The following CEP295 variants were observed in gnomAD, a reference collection of about 807,000 sequenced individuals.
The protein encoded by CEP295 is centrosomal protein 295, also known as centrosomal protein of 295 kDa.
Under a neutral mutation model 291.6 loss-of-function variants are expected in CEP295, and 190 were observed. That is an observed-to-expected ratio of 0.65 (90% confidence interval 0.58 to 0.73). The LOEUF (loss-of-function observed/expected upper bound fraction) is 0.73, where lower values mean the gene tolerates loss of function less well. Ranked by LOEUF, CEP295 falls within the 30% of genes least tolerant of loss-of-function variation. The probability of loss-of-function intolerance (pLI) is 0.00; values close to 1 mark genes in which losing one functional copy is unlikely to be tolerated. For synonymous variants in CEP295, 993 were observed against 1,038.8 expected (o/e 0.96, Z 0.85); for missense variants, 2,863 against 2,949.4 (o/e 0.97, Z 0.68).
Position 93,699,450 on chromosome 11 carries a change from A to T in CEP295, c.4538A>T (p.Asp1513Val), listed in dbSNP as rs1952019784. 6.4e-7 allele frequency: 1 copy of T among 1,551,754 alleles called. No individual in the cohort carries two copies. The highest frequency in any genetic ancestry group is 8.7e-7 in the Non-Finnish European group (1 of 1,146,990). ...TTGCAGGCACTTCAACAGCAGTTAG[A>T]TACACAGAAGAAAGCCATTCGATCT... ...GDLQALQQQL[D>V]TQKKAIRSIQ... is the part of the protein sequence containing the mutation. Residue 1513 changes from aspartate (D) to valine (V), a missense_variant, in exon 15 of 30, where the codon GAT becomes GTT. Around this residue, in one of 3 missense-constraint regions of CEP295, gnomAD observed 2,295 missense variants for 2,335.7 expected, o/e 0.98. Coordinates refer to ENST00000325212, the MANE Select transcript of CEP295 (RefSeq NM_033395.2).
chr11:93,722,283 GA>G (rs1179402347), intron 20 of CEP295, among the ~76,000 whole-genome samples: 5 of 152,024 alleles, frequency 3.3e-5, no homozygotes, highest in African/African-American at 1.2e-4. Context: ...CAACGTGGTA[GA>G]ACCCTATCTC....
intron 25 of CEP295, 127 bp downstream of exon 25, chr11:93,728,948 A>C: frequency 2.7e-6 from 2 of 727,532 alleles, no homozygotes; most frequent in Non-Finnish European, 4.3e-6. Flanking sequence ...CGACACCCCC[A>C]CCAGCTCTCA....
At chr11:93,722,738 G>T in intron 20 of CEP295, 1 of 256,194 alleles carries the variant, frequency 3.9e-6, no homozygotes, top group Non-Finnish European at 7.6e-6. Context: ...CCATTAAAAG[G>T]AATATAGTGT....
intron 7 of CEP295, among the ~76,000 whole-genome samples, chr11:93,681,629 T>G (rs925357602): frequency 1.3e-5 from 2 of 151,608 alleles, no homozygotes; most frequent in Non-Finnish European, 2.9e-5. Context: ...TTAGCCAGGA[T>G]AGTCTCGATC....
In CEP295 at chr11:93,697,989, A is replaced by G. The variant is rs1328359212; in HGVS notation, c.3077A>G (p.Glu1026Gly). The part of the protein sequence containing the change: ...KIQEQHSSKS[E>G]KGLVSCQSDI... ...CAGGAGCAACATTCATCTAAGAGCGAGAAAGGACTTGTTTCATGCCAATCT... is the reference window on the plus strand; with the variant it reads ...CAGGAGCAACATTCATCTAAGAGCGGGAAAGGACTTGTTTCATGCCAATCT... The change falls in exon 15 of 30, where the codon GAG becomes GGG. Residue 1026 changes from glutamate to glycine, a missense_variant. Transcript: ENST00000325212. 1 of 1,551,712 alleles carries G rather than the reference A, an allele frequency of 6.4e-7. No individual in the cohort carries two copies. The highest frequency in any genetic ancestry group is 2.0e-5 in the Admixed American group (1 of 51,000).
intron 2 of CEP295, 73 bp downstream of exon 2, chr11:93,666,888 G>A (rs1950226544): frequency 2.5e-6 from 2 of 813,566 alleles, no homozygotes; most frequent in Non-Finnish European, 3.9e-6. Flanking sequence ...ACATTAGAGT[G>A]TTCTAAATGT....
At chr11:93,665,625 T>C (rs1329837284) in intron 1 of CEP295, among the ~76,000 whole-genome samples, 3 of 152,192 alleles carry the variant, frequency 2.0e-5, no homozygotes, top group Non-Finnish European at 4.4e-5. Context: ...GGAGAATCAC[T>C]TGAACTCAGG....
In CEP295 at chr11:93,697,797, A is replaced by T; in HGVS notation, c.2885A>T (p.Asp962Val). 1 of 1,551,784 alleles carries T rather than the reference A, an allele frequency of 6.4e-7. No individual in the cohort carries two copies. Residue 962 changes from aspartate to valine, a missense_variant, in exon 15 of 30, where the codon GAT becomes GTT. Asp to Val is a radical substitution (Grantham distance 152). Around this residue, in one of 3 missense-constraint regions of CEP295, gnomAD observed 2,295 missense variants for 2,335.7 expected, o/e 0.98. Coordinates refer to ENST00000325212, the MANE Select transcript of CEP295 (RefSeq NM_033395.2). The stretch of plus-strand genomic sequence containing the variant: ...CAAGAGCAGTTGAATATTCAGAAGG[A>T]TAGCCTTCAGGCTAGGCGAGAAGCC... ...FLQEQLNIQK[D>V]SLQARREAQE...
At chr11:93,704,150 C>T (rs1404202722) in intron 17 of CEP295, among the ~76,000 whole-genome samples, 5 of 151,754 alleles carry the variant, frequency 3.3e-5, no homozygotes, top group East Asian at 1.9e-4. Context: ...ATAATTTTCT[C>T]GATCAAATTT....
intron 5 of CEP295, among the ~76,000 whole-genome samples, chr11:93,672,559 A>G (rs900256618): frequency 1.3e-5 from 2 of 152,080 alleles, no homozygotes; most frequent in Non-Finnish European, 1.5e-5. Flanking sequence ...AGTAGCTGTG[A>G]CTACAAGAAT....
chr11:93,702,690 G>T (rs772554069), intron 16 of CEP295, 53 bp downstream of exon 16: 2 of 1,526,288 alleles, frequency 1.3e-6, no homozygotes, highest in African/African-American at 2.8e-5. Flanking sequence ...CCTTGTTTTC[G>T]TCCCCTGTAG....
chr11:93,693,345 C>A (rs1951684758), intron 12 of CEP295, among the ~76,000 whole-genome samples: 1 of 151,910 alleles, frequency 6.6e-6, no homozygotes, highest in Non-Finnish European at 1.5e-5. Context: ...TTTTTTTAAC[C>A]CAACTTACCT....
intron 13 of CEP295, among the ~76,000 whole-genome samples, 158 bp from the exon 14 acceptor site, chr11:93,696,162 A>G (rs578093963): frequency 4.5e-4 from 68 of 152,322 alleles, no homozygotes; most frequent in African/African-American, 1.6e-3. Context: ...GCACTGAAGG[A>G]GAATGACAGA....
intron 17 of CEP295, among the ~76,000 whole-genome samples, chr11:93,704,016 G>A (rs184276361): frequency 3.9e-3 from 586 of 151,954 alleles, no homozygotes; most frequent in Non-Finnish European, 6.6e-3. Context: ...TGATCCGCCC[G>A]CCTCGGCCTC....
intron 18 of CEP295, among the ~76,000 whole-genome samples, chr11:93,719,190 GT>G (rs1953499010): frequency 1.3e-5 from 2 of 148,618 alleles, no homozygotes; most frequent in African/African-American, 5.0e-5. Context: ...ATAAATATCT[GT>G]ACTTACATAC....
At position 93,698,563 on chromosome 11, in the gene CEP295, C is replaced by T; in HGVS notation, c.3651C>T (p.Phe1217=). The T allele has an allele frequency of 6.4e-7, 1 of 1,552,026 alleles. No homozygotes were observed. The highest frequency in any genetic ancestry group is 2.4e-5 in the East Asian group (1 of 40,924). ...SLSQVDESER[F]QECISIKSDS... Reference sequence around the variant, plus strand: ...CCCAGGTGGATGAATCTGAGAGATTCCAGGAATGTATATCAATCAAGAGTG... The same window carrying T: ...CCCAGGTGGATGAATCTGAGAGATTTCAGGAATGTATATCAATCAAGAGTG... The change falls in exon 15 of 30, where the codon TTC becomes TTT. Residue 1217 remains phenylalanine (F), a synonymous_variant. Coordinates refer to ENST00000325212, the MANE Select transcript of CEP295 (RefSeq NM_033395.2).
rs570042935 is a variant in CEP295 at position 93,714,866 on chromosome 11, CT to C, written c.5750-6445del. 4.0e-5 allele frequency among the ~76,000 whole-genome samples: 6 copies of C among 151,588 alleles called. No homozygotes were observed. The South Asian group carries it at 1.3e-3, about 32-fold the overall frequency. Reference sequence around the variant, plus strand: ...GCCTCTCTCTCTCTCTCTCTCTGTGCTGAGCTGCCTGGAGCTGGGGGGAGGG... The same window carrying C: ...GCCTCTCTCTCTCTCTCTCTCTGTGCGAGCTGCCTGGAGCTGGGGGGAGGG... On this transcript the variant is annotated intron_variant, in intron 18 of 29. Transcript: ENST00000325212.
At chr11:93,692,983 A>AC (rs1303970154) in intron 12 of CEP295, among the ~76,000 whole-genome samples, 8 of 149,430 alleles carry the variant, frequency 5.4e-5, no homozygotes, top group South Asian at 2.1e-4. Flanking sequence ...AAAAAAAAAA[A>AC]AAAAAAACAA....
intron 3 of CEP295, 97 bp downstream of exon 3, chr11:93,667,904 A>G (rs1354789653): frequency 1.2e-6 from 1 of 856,688 alleles, no homozygotes; most frequent in East Asian, 2.7e-5. Flanking sequence ...ATTTTCATGC[A>G]TTGAATTTCT....
Sources: gnomAD v4.1 joint callset for allele counts (sites outside exome capture counted in the v4.1 genomes callset) on GRCh38, gnomAD v4.1.1 for gene constraint, gnomAD v4.1.1 regional missense constraint, MANE v1.5 for transcripts, NCBI Gene and HGNC (gene_info 2026-07-23, HGNC 2026-07-21) for gene names.